The following PCDH15 variants were observed in gnomAD, a reference collection of about 807,000 sequenced individuals.
PCDH15 encodes the protein protocadherin-15.
Under a neutral mutation model 178.5 loss-of-function variants are expected in PCDH15, and 129 were observed. The observed-to-expected ratio is 0.72, with a 90% confidence interval of 0.63 to 0.84. The LOEUF is 0.84. PCDH15 is among the 40% of genes least tolerant of loss of function. The pLI is 0.00. For synonymous variants in PCDH15, 800 were observed against 732.0 expected (o/e 1.09, Z -1.50); for missense variants, 2,230 against 2,099.9 (o/e 1.06, Z -1.21).
chr10:54,764,249 A>G (rs750793482), intron 1 of PCDH15, among the ~76,000 whole-genome samples: 2 of 152,080 alleles, frequency 1.3e-5, no homozygotes, highest in Non-Finnish European at 2.9e-5. Context: ...AGATTTGCTA[A>G]TTCAAAGTAC....
chr10:55,593,088 C>T (rs1182177645), intron 2 of PCDH15, among the ~76,000 whole-genome samples: 1 of 151,642 alleles, frequency 6.6e-6, no homozygotes, highest in Non-Finnish European at 1.5e-5. Context: ...TCTAAATGTC[C>T]AACTTTATAA....
At chr10:54,225,390 T>A (rs889121669) in intron 9 of PCDH15, among the ~76,000 whole-genome samples, 3 of 152,182 alleles carry the variant, frequency 2.0e-5, no homozygotes, top group African/African-American at 7.2e-5. Context: ...TAGATTCAAA[T>A]CCCCAAGTTA....
In PCDH15 at chr10:54,214,012, T is replaced by C. The variant is rs373721111; in HGVS notation, c.1022A>G (p.His341Arg). The stretch of plus-strand genomic sequence containing the variant: ...GAGACTAAGTTCTGCTGTCCTAGGA[T>C]GCATATGGAAAAATCGTGGGTAATC... ...PEDYPRFFHM[H>R]PRTAELSLLE... Residue 341 changes from histidine to arginine, a missense_variant, in exon 10 of 38, where the codon CAT (histidine) becomes CGT (arginine). By Grantham distance (29) the His-to-Arg change is conservative (BLOSUM62 0). Transcript: ENST00000644397. 3.7e-6 allele frequency: 6 copies of C among 1,611,218 alleles called. No individual in the cohort carries two copies. The highest frequency in any genetic ancestry group is 3.4e-6 in the Non-Finnish European group (4 of 1,177,616).
At chr10:53,965,175 A>T (rs2088872467) in intron 21 of PCDH15, among the ~76,000 whole-genome samples, 1 of 151,598 alleles carries the variant, frequency 6.6e-6, no homozygotes, top group South Asian at 2.1e-4. Flanking sequence ...CTCCTGCCTC[A>T]GCCTCTCAGG....
intron 2 of PCDH15, chr10:54,655,979 A>T (rs2094397781): frequency 6.6e-6 from 1 of 152,238 alleles, no homozygotes; most frequent in Non-Finnish European, 1.5e-5. Flanking sequence ...ATCTAGAAAT[A>T]TGTACATATA....
At chr10:54,526,754 A>G (rs2083399931) in intron 3 of PCDH15, among the ~76,000 whole-genome samples, 2 of 152,198 alleles carry the variant, frequency 1.3e-5, no homozygotes, top group African/African-American at 4.8e-5. Context: ...TACTGTAGAT[A>G]TTTCTGAGTG....
intron 2 of PCDH15, among the ~76,000 whole-genome samples, chr10:54,637,125 CAAA>C: frequency 1.3e-5 from 1 of 76,874 alleles, no homozygotes; most frequent in African/African-American, 4.0e-5. Context: ...AATCAATCTT[CAAA>C]AAAAAAAAAA....
chr10:54,579,261 G>A (rs2133757681), intron 2 of PCDH15, among the ~76,000 whole-genome samples: 1 of 152,132 alleles, frequency 6.6e-6, no homozygotes, highest in Non-Finnish European at 1.5e-5. Context: ...GAACTCCCAT[G>A]TAACAACACC....
chr10:54,682,577 C>T (rs565582022), intron 1 of PCDH15, among the ~76,000 whole-genome samples: 2 of 152,268 alleles, frequency 1.3e-5, no homozygotes, highest in African/African-American at 4.8e-5. Context: ...GTGTTTGATA[C>T]TTCTTATATG....
At chr10:55,095,453 G>C (rs960767120) in intron 2 of PCDH15, among the ~76,000 whole-genome samples, 1 of 151,742 alleles carries the variant, frequency 6.6e-6, no homozygotes, top group African/African-American at 2.4e-5. Context: ...TTGTATTTGG[G>C]TTGTTACTTG....
At chr10:54,483,620 G>A (rs937362673) in intron 3 of PCDH15, among the ~76,000 whole-genome samples, 9 of 151,726 alleles carry the variant, frequency 5.9e-5, no homozygotes, top group African/African-American at 1.2e-4. Flanking sequence ...TGATAGGATC[G>A]CAGGTGATAA....
At chr10:55,493,269 A>AT (rs1412126576) in intron 2 of PCDH15, among the ~76,000 whole-genome samples, 1 of 151,428 alleles carries the variant, frequency 6.6e-6, no homozygotes, top group Non-Finnish European at 1.5e-5. Context: ...AAAAAAAAAA[A>AT]GCTAGGTGGG....
At chr10:54,515,432 C>T (rs538321729) in intron 3 of PCDH15, among the ~76,000 whole-genome samples, 7 of 152,256 alleles carry the variant, frequency 4.6e-5, no homozygotes, top group Admixed American at 2.0e-4. Context: ...GGGGGAGGGG[C>T]GCTGGCCATT....
At chr10:53,964,671 A>T (rs2610908) in intron 21 of PCDH15, among the ~76,000 whole-genome samples, 107,563 of 151,908 alleles carry the variant, frequency 0.71, 38,438 homozygotes, top group East Asian at 0.87. Context: ...GGGAACTGCC[A>T]GTTCTGGGAT....
At chr10:55,469,992 T>C (rs1212799536) in intron 2 of PCDH15, among the ~76,000 whole-genome samples, 1 of 152,170 alleles carries the variant, frequency 6.6e-6, no homozygotes, top group East Asian at 1.9e-4. Context: ...AATTGCTTTT[T>C]TACCTAGAAA....
At chr10:54,228,336 C>A (rs942873773) in intron 9 of PCDH15, among the ~76,000 whole-genome samples, 3 of 152,042 alleles carry the variant, frequency 2.0e-5, no homozygotes, top group South Asian at 2.1e-4. Context: ...TGCAGGGGAA[C>A]TCCTCTTTTT....
In PCDH15 at chr10:55,280,269, CTTTT is replaced by C. The variant is rs1007536850; in HGVS notation, c.-156+39326_-156+39329del. Among the ~76,000 whole-genome samples the C allele has an allele frequency of 4.4e-3, 288 of 65,960 alleles. 2 individuals carry two copies. The highest frequency in any genetic ancestry group is 0.018 in the African/African-American group (267 of 15,034). The allele number at this position is 65,960 out of a possible 152,430, so 43.3% of individuals were successfully genotyped here. ...TGGAAAGGATGGGGTTATTTTGATTCTTTTTTTTTTTTTTTTTTTTTTTTTTGAG... is the reference window on the plus strand; with the variant it reads ...TGGAAAGGATGGGGTTATTTTGATTCTTTTTTTTTTTTTTTTTTTTTTGAG... On this transcript the variant is annotated intron_variant, in intron 1 of 5. Coordinates refer to the PCDH15 transcript ENST00000458638.
intron 25 of PCDH15, among the ~76,000 whole-genome samples, chr10:53,909,339 C>T (rs1176180417): frequency 4.6e-5 from 7 of 152,108 alleles, no homozygotes; most frequent in Non-Finnish European, 8.8e-5. Flanking sequence ...TACCCAGTCT[C>T]GGTTATTTCT....
At chr10:54,156,363 G>A (rs746873077) in intron 13 of PCDH15, among the ~76,000 whole-genome samples, 14 of 152,108 alleles carry the variant, frequency 9.2e-5, no homozygotes, top group South Asian at 2.1e-4. Flanking sequence ...GGAATGCCAC[G>A]TGGAATTCCA....
Sources: allele counts gnomAD v4.1 joint callset (sites outside exome capture counted in the v4.1 genomes callset), GRCh38; gene constraint gnomAD v4.1.1; transcripts MANE v1.5; gene names NCBI Gene and HGNC (gene_info 2026-07-23, HGNC 2026-07-21).